The following PTPRN2 variants were observed in gnomAD, a reference collection of about 807,000 sequenced individuals.
PTPRN2 encodes protein tyrosine phosphatase receptor type N2.
In PTPRN2, 74 loss-of-function variants were observed where a neutral mutation model predicts 118.8. That is an observed-to-expected ratio of 0.62 (90% CI 0.52 to 0.76). The LOEUF (loss-of-function observed/expected upper bound fraction) is 0.76. Ranked by LOEUF, PTPRN2 falls within the 30% of genes least tolerant of loss-of-function variation. The pLI, the probability that PTPRN2 is intolerant of heterozygous loss-of-function variation, is 0.00. For synonymous variants in PTPRN2, 641 were observed against 608.0 expected (o/e 1.05, Z -0.80); for missense variants, 1,481 against 1,394.4 (o/e 1.06, Z -0.99).
In PTPRN2 at chr7:158,133,007, C is replaced by T. The variant is rs144070421; in HGVS notation, c.1556+670G>A. Among the ~76,000 whole-genome samples the T allele has an allele frequency of 4.2e-3, 644 of 152,328 alleles. 7 individuals are homozygous for T. The highest frequency in any genetic ancestry group is 0.012 in the African/African-American group (487 of 41,580). On this transcript the variant is annotated intron_variant, in intron 9 of 22. Transcript: ENST00000389418. Reference sequence around the variant, plus strand: ...AAGCATCAAATGTCAGATTCATTAACGGGGTGACCTGAGAACGGGCCAGCC... The same window carrying T: ...AAGCATCAAATGTCAGATTCATTAATGGGGTGACCTGAGAACGGGCCAGCC...
rs192542377 is a variant in PTPRN2 at position 158,103,874 on chromosome 7, T to A, written c.1643+6955A>T. Among the ~76,000 whole-genome samples the A allele has an allele frequency of 3.4e-3, 516 of 152,156 alleles. 5 individuals are homozygous for A. Among genetic ancestry groups the A allele is most frequent in the African/African-American group, 0.012 (494 of 41,504 alleles). ...TTAGAGACAGATTATTATTATTTTT[T>A]TTTTTTGAGATGGAGTCTTGCTCTG... On this transcript the variant is annotated intron_variant, in intron 10 of 22. Transcript: ENST00000389418.
chr7:157,942,045 C>T (rs1800164984), intron 11 of PTPRN2, among the ~76,000 whole-genome samples: 1 of 151,702 alleles, frequency 6.6e-6, no homozygotes, highest in South Asian at 2.1e-4. Flanking sequence ...CTCGGCCCAC[C>T]CTCCACACAT....
intron 2 of PTPRN2, among the ~76,000 whole-genome samples, chr7:158,368,241 C>G (rs1194858276): frequency 6.6e-6 from 1 of 152,192 alleles, no homozygotes; most frequent in Non-Finnish European, 1.5e-5. Context: ...CAGGCTGAAC[C>G]CAACTGGAAC....
chr7:158,289,328 A>G (rs1458805395), intron 3 of PTPRN2, among the ~76,000 whole-genome samples: 1 of 152,120 alleles, frequency 6.6e-6, no homozygotes, highest in Non-Finnish European at 1.5e-5. Flanking sequence ...GTGTTATCTC[A>G]CAAATCCCAT....
At chr7:157,796,805 G>A (rs996264436) in intron 12 of PTPRN2, among the ~76,000 whole-genome samples, 2 of 152,152 alleles carry the variant, frequency 1.3e-5, no homozygotes, top group African/African-American at 4.8e-5. Flanking sequence ...TTAAACACAC[G>A]GGTCTCAGAA....
intron 22 of PTPRN2, among the ~76,000 whole-genome samples, chr7:157,545,371 T>G (rs1200686629): frequency 6.7e-6 from 1 of 148,470 alleles, no homozygotes; most frequent in Non-Finnish European, 1.5e-5. Context: ...GGATGCGCAG[T>G]GTGTGGCTGA....
At chr7:158,134,474 A>T (rs6943534) in intron 8 of PTPRN2, among the ~76,000 whole-genome samples, 51,505 of 151,992 alleles carry the variant, frequency 0.34, 8,968 homozygotes, top group East Asian at 0.5. Context: ...CAAATTTGCA[A>T]CGACTGAGCT....
chr7:157,883,680 A>G (rs1796294528), intron 12 of PTPRN2, among the ~76,000 whole-genome samples: 1 of 151,400 alleles, frequency 6.6e-6, no homozygotes, highest in East Asian at 2.0e-4. Context: ...CAACACCCCA[A>G]AAATGACTGT....
chr7:157,578,479 T>C (rs1222050614), intron 17 of PTPRN2, among the ~76,000 whole-genome samples: 1 of 152,196 alleles, frequency 6.6e-6, no homozygotes, highest in African/African-American at 2.4e-5. Context: ...CTCGAGGCGG[T>C]GCCGACACCC....
intron 5 of PTPRN2, among the ~76,000 whole-genome samples, chr7:158,177,724 T>G (rs1277043810): frequency 2.0e-5 from 3 of 152,256 alleles, no homozygotes; most frequent in Non-Finnish European, 4.4e-5. Flanking sequence ...AGTTTATTAC[T>G]GAGTAGCATT....
Position 157,671,859 on chromosome 7 carries a change from C to T in PTPRN2, c.2001+10866G>A, listed in dbSNP as rs967596023. The stretch of plus-strand genomic sequence containing the variant: ...GGGTCTGGGGGCCTGCTGGGAATCC[C>T]GGTCTCAGAGGTCTCAGCTCTGACC... On this transcript the variant is annotated intron_variant, in intron 13 of 22. Transcript: ENST00000389418. The surrounding 1 kb of genome is among the most constrained non-coding windows in gnomAD (Gnocchi z 4.1). Among the ~76,000 whole-genome samples, 21 of 152,118 alleles carry T rather than the reference C, an allele frequency of 1.4e-4. No individual in the cohort carries two copies. Among genetic ancestry groups the T allele is most frequent in the African/African-American group, 3.9e-4 (16 of 41,416 alleles).
intron 11 of PTPRN2, among the ~76,000 whole-genome samples, chr7:157,930,346 C>A (rs937292142): frequency 5.3e-5 from 8 of 152,216 alleles, no homozygotes; most frequent in African/African-American, 1.9e-4. Context: ...TAAAACATTC[C>A]TGGTGCCCCT....
intron 3 of PTPRN2, among the ~76,000 whole-genome samples, chr7:158,211,510 T>C (rs186595761): frequency 6.6e-6 from 1 of 152,312 alleles, no homozygotes; most frequent in African/African-American, 2.4e-5. Flanking sequence ...AACAACTCTG[T>C]AGAAAAAAAT....
chr7:157,832,025 C>T (rs546636312), intron 12 of PTPRN2, among the ~76,000 whole-genome samples: 1 of 152,270 alleles, frequency 6.6e-6, no homozygotes, highest in African/African-American at 2.4e-5. Flanking sequence ...TCCCGGAGCA[C>T]CTGGCACCTC....
At position 157,603,936 on chromosome 7, in the gene PTPRN2, C is replaced by T. The variant is rs1246747285; in HGVS notation, c.2418+66G>A. The T allele has an allele frequency of 2.3e-5, 34 of 1,463,166 alleles. No individual in the cohort carries two copies. The highest frequency in any genetic ancestry group is 1.5e-4 in the Admixed American group (9 of 58,718). The allele number at this position is 1,463,166 out of a possible 1,614,324, so 90.6% of individuals were successfully genotyped here. A position where few individuals can be genotyped will look rare whatever the true frequency, so the allele number is the denominator to read the frequency against. ...GTGATTTCCCCCGAGAACCTTCCCACGTGATTTGCCGCGTCCGTGCCACCC... is the reference window on the plus strand; with the variant it reads ...GTGATTTCCCCCGAGAACCTTCCCATGTGATTTGCCGCGTCCGTGCCACCC... On this transcript the variant is annotated intron_variant, in intron 16 of 22. Transcript: ENST00000389418. The surrounding 1 kb of genome is among the most constrained non-coding windows in gnomAD (Gnocchi z 5.4).
intron 2 of PTPRN2, among the ~76,000 whole-genome samples, chr7:158,435,599 A>G (rs1816520573): frequency 6.6e-6 from 1 of 152,212 alleles, no homozygotes; most frequent in Non-Finnish European, 1.5e-5. Context: ...CAAAATCAAG[A>G]TCTCCAAAGA....
Position 158,167,141 on chromosome 7 carries a change from C to A in PTPRN2, c.700G>T (p.Asp234Tyr), listed in dbSNP as rs1279329624. The A allele has an allele frequency of 1.2e-6, 2 of 1,614,002 alleles. No homozygotes were observed. Among genetic ancestry groups the A allele is most frequent in the East Asian group, 4.5e-5 (2 of 44,864 alleles). Residue 234 changes from aspartate to tyrosine, a missense_variant, in exon 6 of 23, where the codon GAC (aspartate) becomes TAC (tyrosine). This residue lies in a region of PTPRN2 where 1,115 missense variants were observed against 994.2 expected (regional missense o/e 1.12). Transcript: ENST00000389418. ...AGATGGTGTCTGTCCACACCACTGT[C>A]CACCTTAGGGCTGAGCTCATCTGGC... is the stretch of plus-strand genomic sequence containing the variant. ...LQPDELSPKV[D>Y]SGVDRHHLMA...
intron 12 of PTPRN2, among the ~76,000 whole-genome samples, chr7:157,885,720 C>T (rs1796414826): frequency 6.6e-6 from 1 of 152,212 alleles, no homozygotes; most frequent in Admixed American, 6.5e-5. Context: ...TAGCTAAGGA[C>T]ATTTCAGCTT....
At chr7:157,898,899 C>T (rs940379900) in intron 11 of PTPRN2, among the ~76,000 whole-genome samples, 162 bp from the exon 12 acceptor site, 4 of 152,164 alleles carry the variant, frequency 2.6e-5, no homozygotes, top group Admixed American at 6.5e-5. Context: ...AGAACCTGCA[C>T]GAGGCCCCAT....
Sources: allele counts gnomAD v4.1 joint callset (sites outside exome capture counted in the v4.1 genomes callset), GRCh38; gene constraint gnomAD v4.1.1; regional missense constraint gnomAD v4.1.1; non-coding constraint Gnocchi (gnomAD v3.1); transcripts MANE v1.5; gene names NCBI Gene and HGNC (gene_info 2026-07-23, HGNC 2026-07-21).